Variants in VAMP7 observed in about 807,000 individuals in gnomAD.
VAMP7 encodes the protein vesicle-associated membrane protein 7.
Under a neutral mutation model 29.6 loss-of-function variants are expected in VAMP7, and 14 were observed. The observed-to-expected ratio is 0.47, with a 90% CI of 0.31 to 0.74. The LOEUF (loss-of-function observed/expected upper bound fraction) is 0.74. Ranked by LOEUF, VAMP7 falls within the 30% of genes least tolerant of loss-of-function variation. VAMP7 has a pLI of 0.05. For synonymous variants in VAMP7, 95 were observed against 88.1 expected (o/e 1.08, Z -0.44); for missense variants, 223 against 262.4 (o/e 0.85, Z 1.04).
intron 1 of VAMP7, among the ~76,000 whole-genome samples, chrX:155,882,881 A>AAGG (rs1168575343): frequency 6.6e-6 from 1 of 152,208 alleles, no homozygotes; most frequent in Non-Finnish European, 1.5e-5. Context: ...CCTCTCTTCC[A>AAGG]AGGAGAAATA....
intron 6 of VAMP7, among the ~76,000 whole-genome samples, chrX:155,929,905 G>A (rs753067959): frequency 6.6e-6 from 1 of 152,136 alleles, no homozygotes; most frequent in African/African-American, 2.4e-5. Flanking sequence ...CCTCAGATTT[G>A]ATAGTTCATT....
chrX:155,892,993 T>C (rs2065943426), intron 2 of VAMP7, among the ~76,000 whole-genome samples: 1 of 151,864 alleles, frequency 6.6e-6, no homozygotes, highest in Admixed American at 6.6e-5. Context: ...CCTCAGGCAA[T>C]CCGCCCGCCT....
At chrX:155,924,202 T>G (rs2066436880) in intron 6 of VAMP7, among the ~76,000 whole-genome samples, 1 of 152,208 alleles carries the variant, frequency 6.6e-6, no homozygotes, top group Non-Finnish European at 1.5e-5. Flanking sequence ...TATTGAGAGA[T>G]AACTCACAGA....
At chrX:155,926,303 T>C (rs1054563942) in intron 6 of VAMP7, among the ~76,000 whole-genome samples, 10 of 152,222 alleles carry the variant, frequency 6.6e-5, no homozygotes, top group Admixed American at 6.5e-4. Context: ...ATCTGTTGTT[T>C]AGTATAGCCA....
chrX:155,914,987 G>T (rs2066290425), intron 5 of VAMP7, among the ~76,000 whole-genome samples: 1 of 152,060 alleles, frequency 6.6e-6, no homozygotes, highest in African/African-American at 2.4e-5. Flanking sequence ...GAATCCTTCT[G>T]GTCCTGGACC....
At chrX:155,918,281 C>T (rs1371294751) in intron 5 of VAMP7, among the ~76,000 whole-genome samples, 2 of 48,606 alleles carry the variant, frequency 4.1e-5, no homozygotes, top group South Asian at 1.0e-3. Flanking sequence ...GACCACTTGC[C>T]TCCCTGGCTT....
At position 155,914,573 on chromosome X, in the gene VAMP7, C is replaced by T. The variant is rs774396834; in HGVS notation, c.434-5240C>T. On this transcript the variant is annotated intron_variant, in intron 5 of 7. Coordinates refer to ENST00000286448, the MANE Select transcript of VAMP7 (RefSeq NM_005638.6). ...TTTATTGAGAGTTTTTAGCATAAAG[C>T]GGTGTTGAATTTTATCGAAGGCCTT... is the stretch of plus-strand genomic sequence containing the variant. 1.8e-4 allele frequency among the ~76,000 whole-genome samples: 27 copies of T among 152,058 alleles called. No homozygotes were observed. In the South Asian group the frequency reaches 5.0e-3, roughly 28 times the overall value.
intron 4 of VAMP7, among the ~76,000 whole-genome samples, chrX:155,900,052 A>G (rs369790606): frequency 2.2e-4 from 34 of 152,014 alleles, no homozygotes; most frequent in Admixed American, 6.6e-4. Context: ...GGCAGATACA[A>G]GAACAGATTC....
intron 1 of VAMP7, among the ~76,000 whole-genome samples, chrX:155,889,121 A>T (rs2065897921): frequency 6.6e-6 from 1 of 152,166 alleles, no homozygotes; most frequent in African/African-American, 2.4e-5. Context: ...AGACATCTTT[A>T]TGTCCCTTTG....
intron 1 of VAMP7, among the ~76,000 whole-genome samples, chrX:155,882,296 A>T (rs145538852): frequency 6.6e-6 from 1 of 152,102 alleles, no homozygotes; most frequent in African/African-American, 2.4e-5. Context: ...GGAGGTTGCT[A>T]CTCTCAGGAA....
intron 2 of VAMP7, among the ~76,000 whole-genome samples, chrX:155,890,175 A>G (rs1383196212): frequency 1.3e-5 from 2 of 151,892 alleles, no homozygotes; most frequent in East Asian, 1.9e-4. Context: ...TATTTAGGGA[A>G]CTGCAGACTG....
intron 1 of VAMP7, among the ~76,000 whole-genome samples, chrX:155,883,690 A>G (rs1460551283): frequency 6.8e-6 from 1 of 146,608 alleles, no homozygotes; most frequent in African/African-American, 2.5e-5. Flanking sequence ...TTTGGTTTCT[A>G]CTTGGTAGAA....
chrX:155,938,074 G>A (rs2066689030), intron 6 of VAMP7, among the ~76,000 whole-genome samples: 1 of 152,064 alleles, frequency 6.6e-6, no homozygotes, highest in Admixed American at 6.5e-5. Flanking sequence ...TGATGACTTT[G>A]TTTAAAATTA....
intron 6 of VAMP7, among the ~76,000 whole-genome samples, 191 bp downstream of exon 6, chrX:155,920,071 T>A (rs1168277557): frequency 1.3e-5 from 2 of 152,180 alleles, no homozygotes; most frequent in Non-Finnish European, 2.9e-5. Context: ...CATCCCCTAA[T>A]AGCCATTAAG....
intron 5 of VAMP7, among the ~76,000 whole-genome samples, chrX:155,917,108 A>G (rs1412530375): frequency 6.6e-6 from 1 of 151,950 alleles, no homozygotes; most frequent in Non-Finnish European, 1.5e-5. Flanking sequence ...CATTAAGTTG[A>G]TCTACAATCT....
chrX:155,894,325 A>G (rs929102008), intron 2 of VAMP7, among the ~76,000 whole-genome samples: 5 of 103,260 alleles, frequency 4.8e-5, no homozygotes, highest in African/African-American at 7.6e-5. Context: ...TTTTTTTTTA[A>G]TGTGTCCTTT....
Position 155,942,575 on chromosome X carries a change from G to T in VAMP7, c.*624G>T. ...CTTGTCCTCCTAATATTGACTTTCAGGAATAAAGTTCAGTGTGCTGATCAT... is the reference window on the plus strand; with the variant it reads ...CTTGTCCTCCTAATATTGACTTTCATGAATAAAGTTCAGTGTGCTGATCAT... On this transcript the variant is annotated 3_prime_UTR_variant, in exon 8 of 8. Transcript: ENST00000286448. The T allele has an allele frequency of 5.6e-6, 1 of 178,886 alleles. No homozygotes were observed. Among genetic ancestry groups the T allele is most frequent in the East Asian group, 1.4e-4 (1 of 6,964 alleles). 11.1% of individuals were successfully genotyped at this position (178,886 alleles called of 1,614,324 possible).
At chrX:155,916,600 C>G (rs915371847) in intron 5 of VAMP7, among the ~76,000 whole-genome samples, 21 of 152,096 alleles carry the variant, frequency 1.4e-4, no homozygotes, top group Non-Finnish European at 2.5e-4. Flanking sequence ...GATTTTATTT[C>G]TCCTTCACTT....
At chrX:155,919,124 G>C (rs2066357725) in intron 5 of VAMP7, among the ~76,000 whole-genome samples, 1 of 152,062 alleles carries the variant, frequency 6.6e-6, no homozygotes, top group Admixed American at 6.6e-5. Flanking sequence ...CCCTCCTCTT[G>C]AATTTTTTGG....
Sources: allele counts gnomAD v4.1 joint callset (sites outside exome capture counted in the v4.1 genomes callset), GRCh38; gene constraint gnomAD v4.1.1; transcripts MANE v1.5; gene names NCBI Gene and HGNC (gene_info 2026-07-23, HGNC 2026-07-21).